The following ADGRE2 variants were observed in gnomAD, a reference collection of about 807,000 sequenced individuals.
ADGRE2 encodes the protein CD97 antigen.
In ADGRE2, 83 loss-of-function variants were observed where a neutral mutation model predicts 100.8. The ratio of observed to expected loss-of-function variants is 0.82; its 90% CI spans 0.69 to 0.99. The LOEUF is 0.99. ADGRE2 is among the 50% of genes least tolerant of loss of function. The pLI is 0.00. For synonymous variants in ADGRE2, 355 were observed against 413.0 expected, an observed-to-expected ratio of 0.86 and a Z score of 1.70; for missense variants, 814 against 1,035.7, an observed-to-expected ratio of 0.79 and a Z score of 2.94.
intron 16 of ADGRE2, among the ~76,000 whole-genome samples, chr19:14,750,406 G>T (rs919066935): frequency 1.3e-5 from 2 of 151,890 alleles, no homozygotes; most frequent in Admixed American, 6.6e-5. Context: ...GAATAGAAAA[G>T]AATTTCTTTA....
rs1203490873 is a variant in ADGRE2, at chr19:14,764,492, C to CT, written c.1024dup (p.Arg342LysfsTer55). On this transcript the variant is annotated frameshift_variant, in exon 11 of 21. Transcript: ENST00000315576. LOFTEE classifies it high-confidence loss of function. ...ATTGGAAAGGTTCTTGCTCAGGCCT[C>CT]TGAGGACATCCTCTAGGCCATCCAG... 6.2e-7 allele frequency: 1 copy of CT among 1,613,166 alleles called. No individual in the cohort carries two copies. The highest frequency in any genetic ancestry group is 1.7e-5 in the Admixed American group (1 of 60,008).
chr19:14,768,480 G>T (rs1397929047), intron 5 of ADGRE2, among the ~76,000 whole-genome samples: 1 of 152,216 alleles, frequency 6.6e-6, no homozygotes, highest in East Asian at 1.9e-4. Flanking sequence ...AAAGATGGAG[G>T]TGTATCTGTC....
intron 14 of ADGRE2, among the ~76,000 whole-genome samples, chr19:14,754,469 A>ATCTC (rs1318630475): frequency 6.7e-6 from 1 of 149,604 alleles, no homozygotes; most frequent in Non-Finnish European, 1.5e-5. Flanking sequence ...CTATCTATCT[A>ATCTC]TCTATCTATC....
Position 14,746,407 on chromosome 19 carries a change from C to T in ADGRE2, c.2092-84G>A, listed in dbSNP as rs567839042. The T allele has an allele frequency of 3.0e-5, 24 of 798,130 alleles. No individual in the cohort carries two copies. In the African/African-American group the frequency reaches 4.2e-4, roughly 14 times the overall value. The allele number at this position is 798,130 out of a possible 1,614,324, so 49.4% of individuals were successfully genotyped here. A position where few individuals can be genotyped will look rare whatever the true frequency, so the allele number is the denominator to read the frequency against. ...TTTTTTTTTCAGACAGGGTCTTGCT[C>T]TGTTGCCCAGGCTGGAGTGTGGCGG... is the stretch of plus-strand genomic sequence containing the variant. On this transcript the variant is annotated intron_variant, in intron 17 of 20. Transcript: ENST00000315576.
At position 14,758,258 on chromosome 19, in the gene ADGRE2, T is replaced by C. The variant is rs150855985; in HGVS notation, c.1085-1913A>G. On this transcript the variant is annotated intron_variant, in intron 11 of 20. Transcript: ENST00000315576. Reference sequence around the variant, plus strand: ...ATCTACAGAACGGGAGAAAATATTTTGCAAATCATTCATCTCAGATGATCT... The same window carrying C: ...ATCTACAGAACGGGAGAAAATATTTCGCAAATCATTCATCTCAGATGATCT... Among the ~76,000 whole-genome samples the C allele has an allele frequency of 6.2e-4, 95 of 152,356 alleles. No homozygotes were observed. The East Asian group carries it at 0.017, about 27-fold the overall frequency.
In ADGRE2 at chr19:14,764,448, A is replaced by G; in HGVS notation, c.1069T>C (p.Tyr357His). ...NLSNGLLNFS[Y>H]PAGTELSLEV... ...AGGGACCTACCTGTGCCTGCAGGAT[A>G]ACTGAAGTTCAACAGCCCATTGGAA... is the stretch of plus-strand genomic sequence containing the variant. Residue 357 changes from tyrosine to histidine, a missense_variant, in exon 11 of 21, where the codon TAT (tyrosine) becomes CAT (histidine). Coordinates refer to ENST00000315576, the MANE Select transcript of ADGRE2 (RefSeq NM_013447.4). 6.2e-7 allele frequency: 1 copy of G among 1,613,086 alleles called. No homozygotes were observed. The highest frequency in any genetic ancestry group is 8.5e-7 in the Non-Finnish European group (1 of 1,179,948).
chr19:14,761,860 G>A (rs944777200), intron 11 of ADGRE2, among the ~76,000 whole-genome samples: 13 of 152,150 alleles, frequency 8.5e-5, no homozygotes, highest in Non-Finnish European at 1.9e-4. Flanking sequence ...ATTAGACACT[G>A]CCTCCTCAAG....
At chr19:14,754,459 C>T (rs1020390698) in intron 14 of ADGRE2, among the ~76,000 whole-genome samples, 1 of 146,600 alleles carries the variant, frequency 6.8e-6, no homozygotes, top group African/African-American at 2.6e-5. Flanking sequence ...ATCTATCTAT[C>T]TATCTATCTA....
rs60789454 is a variant in ADGRE2, at chr19:14,759,503, A to ATATATATT, written c.1085-3159_1085-3158insAATATATA. On this transcript the variant is annotated intron_variant, in intron 11 of 20. Transcript: ENST00000315576. ...ATAAGTTATACATATATATATATATATTTTTTTTTTTTAGACGGAGTCTCA... is the reference window on the plus strand; with the variant it reads ...ATAAGTTATACATATATATATATATATATATATTTTTTTTTTTTTTAGACGGAGTCTCA... 2.6e-3 allele frequency among the ~76,000 whole-genome samples: 353 copies of ATATATATT among 133,358 alleles called. 4 individuals are homozygous for ATATATATT. The highest frequency in any genetic ancestry group is 3.7e-3 in the Middle Eastern group (1 of 272). The allele number at this position is 133,358 out of a possible 152,430, so 87.5% of individuals were successfully genotyped here. A position where few individuals can be genotyped will look rare whatever the true frequency, so the allele number is the denominator to read the frequency against.
At position 14,751,580 on chromosome 19, in the gene ADGRE2, G is replaced by A; in HGVS notation, c.1880C>T (p.Thr627Ile). The change falls in exon 16 of 21, where the codon ACT becomes ATT. Residue 627 changes from threonine to isoleucine, a missense_variant. Coordinates refer to ENST00000315576, the MANE Select transcript of ADGRE2 (RefSeq NM_013447.4). ...GTTGACCACCGTCAGGTTCCGTGCA[G>A]TGAGGAAGAGGTACAGGGCCTCCAG... ...MLLEALYLFL[T>I]ARNLTVVNYS... 1 of 1,614,116 alleles carries A rather than the reference G, an allele frequency of 6.2e-7. No individual in the cohort carries two copies. The highest frequency in any genetic ancestry group is 8.5e-7 in the Non-Finnish European group (1 of 1,180,026).
At chr19:14,760,968 A>G (rs1228584613) in intron 11 of ADGRE2, among the ~76,000 whole-genome samples, 1 of 152,148 alleles carries the variant, frequency 6.6e-6, no homozygotes, top group Non-Finnish European at 1.5e-5. Context: ...CCAACTGCCA[A>G]TCAGAAAAGC....
chr19:14,724,638 A>T, the ADGRE2 span, among the ~76,000 whole-genome samples: 2 of 152,008 alleles, frequency 1.3e-5, no homozygotes. Flanking sequence ...TGGTGGCGGG[A>T]GCCTGTAATC....
At chr19:14,743,841 A>C in intron 18 of ADGRE2, 57 bp from the exon 19 acceptor site, 2 of 1,540,548 alleles carry the variant, frequency 1.3e-6, no homozygotes, top group Non-Finnish European at 1.8e-6. Context: ...AATCAAGGCT[A>C]TTTCATCTGT....
intron 7 of ADGRE2, 146 bp from the exon 8 acceptor site, chr19:14,765,950 G>T (rs1290808964): frequency 8.6e-7 from 1 of 1,167,582 alleles, no homozygotes; most frequent in Non-Finnish European, 1.2e-6. Flanking sequence ...AGAGGCCTGG[G>T]CACAGCAGGT....
chr19:14,724,551 A>C, the ADGRE2 span, among the ~76,000 whole-genome samples: 1 of 152,190 alleles, frequency 6.6e-6, no homozygotes, highest in African/African-American at 2.4e-5. Context: ...GGATCACCTG[A>C]GGTCAGGGGC....
chr19:14,777,310 A>T (rs2147617120), intron 1 of ADGRE2, among the ~76,000 whole-genome samples: 1 of 152,344 alleles, frequency 6.6e-6, no homozygotes, highest in East Asian at 1.9e-4. Context: ...CCCAGCTGGC[A>T]GTATCTTCCC....
chr19:14,758,580 C>T (rs1248986396), intron 11 of ADGRE2, among the ~76,000 whole-genome samples: 2 of 151,748 alleles, frequency 1.3e-5, no homozygotes, highest in African/African-American at 2.4e-5. Flanking sequence ...ATTTAATAGG[C>T]GAAAGAAAAA....
intron 20 of ADGRE2, among the ~76,000 whole-genome samples, chr19:14,739,848 C>G (rs539589936): frequency 2.6e-4 from 40 of 152,266 alleles, no homozygotes; most frequent in South Asian, 1.0e-3. Flanking sequence ...CGTCTGTAAT[C>G]CCAGCACTTT....
At chr19:14,745,149 G>GC (rs1038025287) in intron 18 of ADGRE2, among the ~76,000 whole-genome samples, 5 of 151,446 alleles carry the variant, frequency 3.3e-5, no homozygotes, top group African/African-American at 1.2e-4. Context: ...CTTGTGATCT[G>GC]CCCCCGCCCC....
Sources: gnomAD v4.1 joint callset for allele counts (sites outside exome capture counted in the v4.1 genomes callset) on GRCh38, gnomAD v4.1.1 for gene constraint, MANE v1.5 for transcripts, NCBI Gene and HGNC (gene_info 2026-07-23, HGNC 2026-07-21) for gene names.